The following XG variants were observed in gnomAD, a reference collection of about 807,000 sequenced individuals.
The protein encoded by XG is glycoprotein Xg.
Under a neutral mutation model 25.7 loss-of-function variants are expected in XG, and 24 were observed. The observed-to-expected ratio is 0.93, with a 90% CI of 0.68 to 1.31. The LOEUF is 1.31. Among genes scored for constraint, XG ranks in the 40% most tolerant of loss-of-function variants. The probability of loss-of-function intolerance (pLI) is 0.00; values close to 1 mark genes in which losing one functional copy is unlikely to be tolerated. For synonymous variants in XG, 77 were observed against 69.2 expected (o/e 1.11, Z -0.56); for missense variants, 181 against 187.6 (o/e 0.96, Z 0.21).
In XG at chrX:2,760,158, C is replaced by T. The variant is rs1453518013; in HGVS notation, c.61+7823C>T. 5.3e-5 allele frequency among the ~76,000 whole-genome samples: 8 copies of T among 151,590 alleles called. No individual in the cohort carries two copies. The East Asian group carries it at 1.6e-3, about 29-fold the overall frequency. ...TTGCACCACTGCACTCCAGCCTGGG[C>T]AACAGAGCGAGACTCTGTCTCAGAA... On this transcript the variant is annotated intron_variant, in intron 1 of 10. Transcript: ENST00000644266.
chrX:2,790,068 A>T (rs983834764), intron 5 of XG, among the ~76,000 whole-genome samples: 3 of 110,951 alleles, frequency 2.7e-5, no homozygotes, highest in Non-Finnish European at 5.6e-5. Flanking sequence ...TTTTGCAGAG[A>T]CAGGATCTTG....
chrX:2,804,195 A>G (rs187273438), intron 7 of XG, among the ~76,000 whole-genome samples: 1 of 112,360 alleles, frequency 8.9e-6, no homozygotes, highest in African/African-American at 3.2e-5. Flanking sequence ...ACAAAGTCCA[A>G]CTGGTCCCCA....
intron 7 of XG, among the ~76,000 whole-genome samples, 191 bp downstream of exon 7, chrX:2,797,551 G>A (rs1487898335): frequency 9.4e-5 from 10 of 106,601 alleles, no homozygotes; most frequent in African/African-American, 3.2e-4. Flanking sequence ...CAGGAGGGTG[G>A]GTGCAGCCAC....
At position 2,770,532 on chromosome X, in the gene XG, C is replaced by T; in HGVS notation, c.62-18C>T. ...CTTTCCATCATGGGGTGACTTATGC[C>T]CTGTTTGCTCCCAATAGGTCAAAGA... is the stretch of plus-strand genomic sequence containing the variant. On this transcript the variant is annotated intron_variant, in intron 1 of 10. Coordinates refer to ENST00000644266, the MANE Select transcript of XG (RefSeq NM_001141919.2). 6.2e-7 allele frequency: 1 copy of T among 1,613,826 alleles called. No individual in the cohort carries two copies. Among genetic ancestry groups the T allele is most frequent in the Non-Finnish European group, 8.5e-7 (1 of 1,179,826 alleles).
chrX:2,789,748 T>A, intron 5 of XG, 42 bp downstream of exon 5: 1 of 723,794 alleles, frequency 1.4e-6, no homozygotes, highest in South Asian at 5.7e-5. Flanking sequence ...TATTTTATTT[T>A]ATTTTATTTT....
At chrX:2,767,105 C>T (rs960312919) in intron 1 of XG, among the ~76,000 whole-genome samples, 9 of 151,970 alleles carry the variant, frequency 5.9e-5, no homozygotes, top group African/African-American at 1.9e-4. Context: ...GGTATTGTTT[C>T]GTAAGCCTGA....
At chrX:2,783,419 A>G (rs1038976017) in intron 4 of XG, among the ~76,000 whole-genome samples, 2 of 111,697 alleles carry the variant, frequency 1.8e-5, no homozygotes, top group African/African-American at 3.3e-5. Flanking sequence ...AGGAAAAGAT[A>G]GATTCTGGCC....
chrX:2,796,064 C>A (rs2086882795), intron 6 of XG, among the ~76,000 whole-genome samples: 1 of 106,888 alleles, frequency 9.4e-6, no homozygotes, highest in Non-Finnish European at 1.9e-5. Context: ...TAAATATATA[C>A]ATTTATACAT....
At chrX:2,799,485 CTG>C (rs1287832826) in intron 7 of XG, among the ~76,000 whole-genome samples, 20 of 111,305 alleles carry the variant, frequency 1.8e-4, no homozygotes, top group African/African-American at 6.5e-4. Flanking sequence ...CTCAGTGAAT[CTG>C]TGTTTTTTTA....
At chrX:2,787,571 G>C (rs1052103082) in intron 4 of XG, among the ~76,000 whole-genome samples, 2 of 111,314 alleles carry the variant, frequency 1.8e-5, no homozygotes, top group Non-Finnish European at 1.9e-5. Flanking sequence ...TGGCCCCCAA[G>C]TTTCCATAAT....
At chrX:2,783,277 C>T (rs2086749401) in intron 4 of XG, among the ~76,000 whole-genome samples, 1 of 97,122 alleles carries the variant, frequency 1.0e-5, no homozygotes, top group Admixed American at 1.3e-4. Context: ...TTTTTTTCCA[C>T]AGATTTATTA....
At chrX:2,771,337 C>T (rs1457681135) in intron 2 of XG, among the ~76,000 whole-genome samples, 9 of 152,288 alleles carry the variant, frequency 5.9e-5, no homozygotes, top group Admixed American at 1.3e-4. Flanking sequence ...CACTTCATTC[C>T]GTTCTCCCCT....
intron 7 of XG, among the ~76,000 whole-genome samples, chrX:2,805,032 A>C (rs919340584): frequency 4.5e-5 from 5 of 112,324 alleles, no homozygotes; most frequent in African/African-American, 1.6e-4. Flanking sequence ...CGAGGCTGTG[A>C]GTCAGCGCTC....
At chrX:2,776,403 C>T (rs1391881634) in intron 3 of XG, among the ~76,000 whole-genome samples, 2 of 152,136 alleles carry the variant, frequency 1.3e-5, no homozygotes, top group Non-Finnish European at 2.9e-5. Flanking sequence ...TTGGGCGTTA[C>T]TAATCAGACG....
intron 1 of XG, among the ~76,000 whole-genome samples, chrX:2,767,329 C>T (rs1427472479): frequency 2.0e-5 from 3 of 152,032 alleles, no homozygotes; most frequent in Non-Finnish European, 2.9e-5. Context: ...GTGTAACGCT[C>T]GGCCCACCCA....
At chrX:2,776,205 C>T (rs1407788975) in intron 3 of XG, among the ~76,000 whole-genome samples, 3 of 151,998 alleles carry the variant, frequency 2.0e-5, no homozygotes, top group Non-Finnish European at 2.9e-5. Context: ...AATAGTCTCT[C>T]GGTCCTGAGG....
chrX:2,753,030 G>A (rs921680404), intron 1 of XG: 8 of 955,932 alleles, frequency 8.4e-6, no homozygotes, highest in Middle Eastern at 5.3e-4. Flanking sequence ...TTCATGTGGC[G>A]ATTTCAGAGA....
At chrX:2,795,579 CACA>C (rs765298859) in intron 6 of XG, among the ~76,000 whole-genome samples, 191 of 109,809 alleles carry the variant, frequency 1.7e-3, no homozygotes, top group African/African-American at 5.5e-3. Context: ...TGTATGTACA[CACA>C]ACTTTATATA....
At chrX:2,773,222 T>C (rs1374424131) in intron 2 of XG, among the ~76,000 whole-genome samples, 1 of 124,102 alleles carries the variant, frequency 8.1e-6, no homozygotes, top group Non-Finnish European at 1.6e-5. Flanking sequence ...GAGGGAACGA[T>C]GGAGGGAAGG....
Sources: gnomAD v4.1 joint callset for allele counts (sites outside exome capture counted in the v4.1 genomes callset) on GRCh38, gnomAD v4.1.1 for gene constraint, MANE v1.5 for transcripts, NCBI Gene and HGNC (gene_info 2026-07-23, HGNC 2026-07-21) for gene names.